The following SLC4A10 variants were observed in gnomAD, a reference collection of about 807,000 sequenced individuals.
The protein encoded by SLC4A10 is solute carrier family 4 member 10, also known as sodium-driven chloride bicarbonate exchanger.
A neutral mutation model predicts 137.7 loss-of-function variants in SLC4A10; 42 were observed. The ratio of observed to expected loss-of-function variants is 0.30; its 90% confidence interval spans 0.24 to 0.39. The LOEUF (loss-of-function observed/expected upper bound fraction) is 0.39. Ranked by LOEUF, SLC4A10 falls within the 10% of genes least tolerant of loss-of-function variation. The pLI is 1.00. For synonymous variants in SLC4A10, 474 were observed against 464.1 expected (o/e 1.02, Z -0.27); for missense variants, 925 against 1,355.0 (o/e 0.68, Z 4.98).
intron 25 of SLC4A10, 52 bp downstream of exon 25, chr2:161,976,928 C>G (rs903973686): frequency 1.1e-6 from 1 of 920,806 alleles, no homozygotes; most frequent in Admixed American, 2.9e-5. Context: ...TGTTTTTTGA[C>G]ATAAACCATA....
chr2:161,686,232 G>C (rs1333966904), intron 1 of SLC4A10, among the ~76,000 whole-genome samples: 3 of 152,130 alleles, frequency 2.0e-5, no homozygotes, highest in Middle Eastern at 3.2e-3. Context: ...AAATCCCTTA[G>C]GGATATGAAA....
At chr2:161,856,225 G>A (rs1317375681) in intron 5 of SLC4A10, among the ~76,000 whole-genome samples, 1 of 151,956 alleles carries the variant, frequency 6.6e-6, no homozygotes, top group East Asian at 1.9e-4. Flanking sequence ...AATTTTGATG[G>A]CACATTTATC....
At chr2:161,858,054 A>G (rs892898260) in intron 5 of SLC4A10, among the ~76,000 whole-genome samples, 1 of 152,134 alleles carries the variant, frequency 6.6e-6, no homozygotes, top group African/African-American at 2.4e-5. Flanking sequence ...TTGTGGCCAT[A>G]GTGATTAACA....
chr2:161,765,390 T>C (rs972531961), intron 1 of SLC4A10, among the ~76,000 whole-genome samples: 4 of 152,106 alleles, frequency 2.6e-5, no homozygotes, highest in Non-Finnish European at 5.9e-5. Flanking sequence ...GCGGATCACC[T>C]GAGGTCAGGA....
intron 1 of SLC4A10, among the ~76,000 whole-genome samples, chr2:161,673,907 T>G (rs1045259871): frequency 5.3e-5 from 8 of 152,146 alleles, no homozygotes; most frequent in African/African-American, 1.7e-4. Flanking sequence ...GGAGAATCGC[T>G]TGAACCCAGG....
At chr2:161,782,537 A>T (rs1574942713) in intron 2 of SLC4A10, among the ~76,000 whole-genome samples, 1 of 151,872 alleles carries the variant, frequency 6.6e-6, no homozygotes, top group East Asian at 2.0e-4. Context: ...TGAAACAAAG[A>T]TACACAATTT....
intron 1 of SLC4A10, among the ~76,000 whole-genome samples, chr2:161,641,243 T>G (rs1282795806): frequency 6.6e-6 from 1 of 152,200 alleles, no homozygotes; most frequent in Non-Finnish European, 1.5e-5. Context: ...TTAAGATGAT[T>G]TTTATGTACT....
chr2:161,834,465 GA>G (rs2058636487), intron 3 of SLC4A10, among the ~76,000 whole-genome samples: 1 of 152,142 alleles, frequency 6.6e-6, no homozygotes, highest in African/African-American at 2.4e-5. Context: ...TGATCTTTCA[GA>G]ACTTCCCCTG....
At chr2:161,742,470 C>T (rs2892768) in intron 1 of SLC4A10, among the ~76,000 whole-genome samples, 10,973 of 119,558 alleles carry the variant, frequency 0.092, 557 homozygotes, top group East Asian at 0.17. Context: ...GAGACTGAGT[C>T]TCGCACTGTC....
At chr2:161,893,824 A>G (rs900826046) in intron 10 of SLC4A10, among the ~76,000 whole-genome samples, 3 of 151,994 alleles carry the variant, frequency 2.0e-5, no homozygotes, top group African/African-American at 7.2e-5. Context: ...TATAGATATT[A>G]TAATAATCTA....
intron 1 of SLC4A10, among the ~76,000 whole-genome samples, chr2:161,707,814 A>G (rs1427819704): frequency 6.6e-6 from 1 of 151,552 alleles, no homozygotes; most frequent in Non-Finnish European, 1.5e-5. Context: ...TGTTGGTATG[A>G]AGAATCTGAA....
At chr2:161,684,475 A>C (rs918996073) in intron 1 of SLC4A10, among the ~76,000 whole-genome samples, 1 of 152,234 alleles carries the variant, frequency 6.6e-6, no homozygotes, top group African/African-American at 2.4e-5. Flanking sequence ...GTACAAAACA[A>C]GGACATTCTT....
chr2:161,936,254 T>C (rs1424671330), intron 15 of SLC4A10, among the ~76,000 whole-genome samples: 2 of 152,174 alleles, frequency 1.3e-5, no homozygotes, highest in Non-Finnish European at 2.9e-5. Context: ...TTTCTTGTAA[T>C]GTTCTTGTCT....
chr2:161,822,238 A>G (rs1479592751), intron 3 of SLC4A10, among the ~76,000 whole-genome samples: 1 of 152,242 alleles, frequency 6.6e-6, no homozygotes, highest in Non-Finnish European at 1.5e-5. Context: ...TATTATAGAC[A>G]TCCAGATTAC....
At chr2:161,833,762 G>T (rs541691854) in intron 3 of SLC4A10, among the ~76,000 whole-genome samples, 1 of 152,182 alleles carries the variant, frequency 6.6e-6, no homozygotes, top group Non-Finnish European at 1.5e-5. Flanking sequence ...ACAACAATTG[G>T]CTGATAATCA....
chr2:161,679,136 T>A (rs1483994630), intron 1 of SLC4A10, among the ~76,000 whole-genome samples: 1 of 152,110 alleles, frequency 6.6e-6, no homozygotes, highest in East Asian at 1.9e-4. Context: ...CTGTCTTATG[T>A]TTTAGTCATT....
intron 1 of SLC4A10, among the ~76,000 whole-genome samples, chr2:161,720,392 C>A (rs946991413): frequency 1.3e-5 from 2 of 152,002 alleles, no homozygotes; most frequent in Non-Finnish European, 2.9e-5. Context: ...TTTTTTGGTT[C>A]CATATGAACT....
Position 161,905,793 on chromosome 2 carries a change from A to G in SLC4A10, c.1903A>G (p.Ile635Val). The change falls in exon 15 of 27, where the codon ATT becomes GTT. Residue 635 changes from isoleucine (I) to valine (V), a missense_variant. By Grantham distance (29) the Ile-to-Val change is conservative. This residue lies in a region of SLC4A10 where 61 missense variants were observed against 168.0 expected (regional missense o/e 0.36). Transcript: ENST00000446997. ...AGCTTTTGCTTCCCTGATTTGCATCATTTTCATTTATGAGGCCCTGGAGAA... is the reference window on the plus strand; with the variant it reads ...AGCTTTTGCTTCCCTGATTTGCATCGTTTTCATTTATGAGGCCCTGGAGAA... ...EEAFASLICI[I>V]FIYEALEKLF... 2 of 1,613,888 alleles carry G rather than the reference A, an allele frequency of 1.2e-6. No individual in the cohort carries two copies. Among genetic ancestry groups the G allele is most frequent in the Non-Finnish European group, 1.7e-6 (2 of 1,179,870 alleles).
chr2:161,636,153 A>T (rs756782678), intron 1 of SLC4A10, among the ~76,000 whole-genome samples: 4 of 151,844 alleles, frequency 2.6e-5, no homozygotes, highest in Non-Finnish European at 4.4e-5. Context: ...TTTGGTGCAA[A>T]TTTTTTTTGA....
Sources: gnomAD v4.1 joint callset for allele counts (sites outside exome capture counted in the v4.1 genomes callset) on GRCh38, gnomAD v4.1.1 for gene constraint, gnomAD v4.1.1 regional missense constraint, MANE v1.5 for transcripts, NCBI Gene and HGNC (gene_info 2026-07-23, HGNC 2026-07-21) for gene names.